The following CDC42BPA variants were observed in gnomAD, a reference collection of about 807,000 sequenced individuals.
CDC42BPA encodes CDC42 binding protein kinase alpha.
CDC42BPA carries 80 observed loss-of-function variants against 223.5 expected under a neutral mutation model. The ratio of observed to expected loss-of-function variants is 0.36; its 90% confidence interval spans 0.30 to 0.43. CDC42BPA has a LOEUF of 0.43. Among genes scored for constraint, CDC42BPA ranks in the 20% least tolerant of loss-of-function variants. The pLI is 1.00. For missense variants in CDC42BPA, 1,743 were observed against 2,099.9 expected (o/e 0.83, Z 3.32); for synonymous variants, 694 against 718.6 (o/e 0.97, Z 0.55).
chr1:227,220,774 C>T (rs1485568753), intron 2 of CDC42BPA, among the ~76,000 whole-genome samples: 1 of 152,110 alleles, frequency 6.6e-6, no homozygotes, highest in Non-Finnish European at 1.5e-5. Flanking sequence ...CCTTCCTGTC[C>T]TTATTCCATT....
intron 5 of CDC42BPA, among the ~76,000 whole-genome samples, chr1:227,193,234 TA>T (rs566816082): frequency 0.017 from 1,299 of 77,686 alleles, 19 homozygotes; most frequent in African/African-American, 0.05. Context: ...CACGCCCGGC[TA>T]ATTTTTTTTT....
intron 1 of CDC42BPA, among the ~76,000 whole-genome samples, chr1:227,270,198 A>C (rs1057403417): frequency 6.6e-6 from 1 of 152,222 alleles, no homozygotes. Context: ...TCACATAAAC[A>C]ATGTTAATTA....
chr1:227,176,979 T>C (rs1480660230), intron 5 of CDC42BPA, among the ~76,000 whole-genome samples: 1 of 151,996 alleles, frequency 6.6e-6, no homozygotes, highest in African/African-American at 2.4e-5. Flanking sequence ...CCTACTTTTT[T>C]TTTTAACTTT....
At position 227,112,330 on chromosome 1, in the gene CDC42BPA, A is replaced by G. The variant is rs781312341; in HGVS notation, c.1983T>C (p.Asn661=). 13 of 1,590,704 alleles carry G rather than the reference A, an allele frequency of 8.2e-6. No individual in the cohort carries two copies. Among genetic ancestry groups the G allele is most frequent in the Non-Finnish European group, 1.1e-5 (13 of 1,167,784 alleles). ...AAGATACCTTCAGTCCCTCCAATTC[A>G]TTTTCCAGTTGCTTAGAATAGTGCT... The part of the protein sequence containing the change: ...QSEHYSKQLE[N]ELEGLKQKQI... The change falls in exon 14 of 37, where the codon AAT becomes AAC. Residue 661 remains asparagine (N), a synonymous_variant. Coordinates refer to ENST00000366766, the MANE Select transcript of CDC42BPA (RefSeq NM_001394014.1).
intron 27 of CDC42BPA, among the ~76,000 whole-genome samples, chr1:227,033,105 A>G (rs914927379): frequency 6.6e-6 from 1 of 152,144 alleles, no homozygotes; most frequent in Non-Finnish European, 1.5e-5. Context: ...AATATTATCT[A>G]CCAGGAAGCA....
Position 227,139,666 on chromosome 1 carries a change from T to A in CDC42BPA, c.1300A>T (p.Thr434Ser), listed in dbSNP as rs1435552484. Residue 434 changes from threonine to serine, a missense_variant, in exon 10 of 37, where the codon ACT becomes TCT. Around this residue, in one of 6 missense-constraint regions of CDC42BPA, gnomAD observed 464 missense variants for 488.0 expected, o/e 0.95. Coordinates refer to ENST00000366766, the MANE Select transcript of CDC42BPA (RefSeq NM_001394014.1). ...TCAGTTGCTAAGTTGTTGTCTAGAG[T>A]CCTCTGAACATTAACATCAAGATCC... ...SLDLDVNVQR[T>S]LDNNLATEAY... The A allele has an allele frequency of 6.2e-7, 1 of 1,610,404 alleles. No homozygotes were observed. The highest frequency in any genetic ancestry group is 1.3e-5 in the African/African-American group (1 of 74,702).
chr1:226,992,375 G>A lies in CDC42BPA; in HGVS notation c.*1893C>T, dbSNP rs1301739402. 6.6e-6 allele frequency: 1 copy of A among 152,248 alleles called. No individual in the cohort carries two copies. Among genetic ancestry groups the A allele is most frequent in the East Asian group, 1.9e-4 (1 of 5,206 alleles). The allele number at this position is 152,248 out of a possible 1,614,324, so 9.4% of individuals were successfully genotyped here. A position where few individuals can be genotyped will look rare whatever the true frequency, so the allele number is the denominator to read the frequency against. On this transcript the variant is annotated 3_prime_UTR_variant, in exon 37 of 37. Transcript: ENST00000366766. ...TGTTTAAATGTCAAAGCTGTTACATGAAAATTCCCGATTATAGGTGCTTAC... is the reference window on the plus strand; with the variant it reads ...TGTTTAAATGTCAAAGCTGTTACATAAAAATTCCCGATTATAGGTGCTTAC...
At chr1:227,166,901 G>A (rs1665140566) in intron 5 of CDC42BPA, among the ~76,000 whole-genome samples, 1 of 152,092 alleles carries the variant, frequency 6.6e-6, no homozygotes, top group Non-Finnish European at 1.5e-5. Context: ...GGGGAGGGGG[G>A]CTCAAGAGAG....
At position 227,081,010 on chromosome 1, in the gene CDC42BPA, G is replaced by A; in HGVS notation, c.2363C>T (p.Thr788Ile). 6.2e-7 allele frequency: 1 copy of A among 1,613,344 alleles called. No homozygotes were observed. The highest frequency in any genetic ancestry group is 1.7e-5 in the Admixed American group (1 of 60,006). Residue 788 changes from threonine (T) to isoleucine (I), a missense_variant, in exon 17 of 37, where the codon ACT becomes ATT. Coordinates refer to ENST00000366766, the MANE Select transcript of CDC42BPA (RefSeq NM_001394014.1). ...GTGTATACTTAAGTTCTCATACAAAGTAGTAAGCTGAAAGATAGTTTTAAG... is the reference window on the plus strand; with the variant it reads ...GTGTATACTTAAGTTCTCATACAAAATAGTAAGCTGAAAGATAGTTTTAAG... The part of the protein sequence containing the change: ...KLTSELDKLT[T>I]LYENLSIHNQ...
chr1:227,135,100 CTG>C (rs1377256345), intron 10 of CDC42BPA, among the ~76,000 whole-genome samples: 7 of 152,206 alleles, frequency 4.6e-5, no homozygotes, highest in Admixed American at 3.9e-4. Flanking sequence ...TTATCCATTT[CTG>C]TGAGTGTACT....
chr1:227,165,925 AAATT>A (rs1458220713), intron 5 of CDC42BPA, among the ~76,000 whole-genome samples: 4 of 152,178 alleles, frequency 2.6e-5, no homozygotes, highest in African/African-American at 4.8e-5. Flanking sequence ...TGTTTGATTA[AAATT>A]AATTAAAAAC....
At chr1:227,181,738 T>C (rs2150044379) in intron 5 of CDC42BPA, among the ~76,000 whole-genome samples, 1 of 152,296 alleles carries the variant, frequency 6.6e-6, no homozygotes, top group African/African-American at 2.4e-5. Context: ...GCCTAATACG[T>C]TCATGATAAA....
chr1:227,205,301 T>C (rs71527041), intron 3 of CDC42BPA, among the ~76,000 whole-genome samples: 19 of 110,852 alleles, frequency 1.7e-4, no homozygotes, highest in Middle Eastern at 4.8e-3. Flanking sequence ...TATATATATA[T>C]ATATACACAC....
intron 9 of CDC42BPA, among the ~76,000 whole-genome samples, chr1:227,140,238 T>C (rs1225937079): frequency 1.3e-5 from 2 of 152,198 alleles, no homozygotes; most frequent in East Asian, 3.9e-4. Flanking sequence ...TCCTTGCCCA[T>C]ATAGAGCTTA....
intron 3 of CDC42BPA, among the ~76,000 whole-genome samples, chr1:227,208,916 G>T (rs1055659972): frequency 6.6e-6 from 1 of 151,996 alleles, no homozygotes; most frequent in African/African-American, 2.4e-5. Flanking sequence ...GCTTTATGGG[G>T]ATGGCATTGA....
At chr1:227,239,444 T>C (rs1377493039) in intron 2 of CDC42BPA, among the ~76,000 whole-genome samples, 1 of 152,196 alleles carries the variant, frequency 6.6e-6, no homozygotes, top group African/African-American at 2.4e-5. Flanking sequence ...TATGTCAATG[T>C]AGTTTCCTGG....
At chr1:227,227,497 T>C (rs532131977) in intron 2 of CDC42BPA, among the ~76,000 whole-genome samples, 153 of 152,352 alleles carry the variant, frequency 1.0e-3, no homozygotes, top group African/African-American at 2.8e-3. Context: ...ATCAGATACA[T>C]TGAATTACTT....
chr1:227,036,873 T>C (rs1341398747), intron 24 of CDC42BPA, among the ~76,000 whole-genome samples: 1 of 152,158 alleles, frequency 6.6e-6, no homozygotes, highest in Non-Finnish European at 1.5e-5. Flanking sequence ...CAGGAATCTT[T>C]AGAAGCTGGA....
rs746183039 is a variant in CDC42BPA, at chr1:227,040,259, AAC to A, written c.3094-25_3094-24del. 5.3e-5 allele frequency: 75 copies of A among 1,420,316 alleles called. No homozygotes were observed. In the East Asian group the frequency reaches 1.6e-3, roughly 30 times the overall value. The allele number at this position is 1,420,316 out of a possible 1,614,324, so 88.0% of individuals were successfully genotyped here. On this transcript the variant is annotated intron_variant, in intron 23 of 36. Transcript: ENST00000366766. Reference sequence around the variant, plus strand: ...GCGCTGCAAAACAAATTGATAAAAAAACACACAGATTGTTTAAAAGATTTCCA... The same window carrying A: ...GCGCTGCAAAACAAATTGATAAAAAAACACAGATTGTTTAAAAGATTTCCA...
Sources: allele counts gnomAD v4.1 joint callset (sites outside exome capture counted in the v4.1 genomes callset), GRCh38; gene constraint gnomAD v4.1.1; regional missense constraint gnomAD v4.1.1; transcripts MANE v1.5; gene names NCBI Gene and HGNC (gene_info 2026-07-23, HGNC 2026-07-21).